Variants in PREX1 observed in about 807,000 individuals in gnomAD.
PREX1 encodes the protein phosphatidylinositol-3,4,5-trisphosphate dependent Rac exchange factor 1.
PREX1 carries 41 observed loss-of-function variants against 198.3 expected under a neutral mutation model. The observed-to-expected ratio is 0.21, with a 90% CI of 0.16 to 0.27. The LOEUF is 0.27. PREX1 is among the 10% of genes least tolerant of loss of function. PREX1 has a pLI of 1.00. For missense variants in PREX1, 1,620 were observed against 2,200.7 expected (o/e 0.74, Z 5.28); for synonymous variants, 843 against 887.2 (o/e 0.95, Z 0.89).
At chr20:48,861,750 C>T in the PREX1 span, among the ~76,000 whole-genome samples, 61 of 152,106 alleles carry the variant, frequency 4.0e-4, no homozygotes, top group Non-Finnish European at 7.9e-4. Flanking sequence ...GACCAGTTTC[C>T]CAAATAGGGG....
At chr20:48,830,058 A>G (rs6095320), upstream of PREX1, among the ~76,000 whole-genome samples, 38,316 of 152,038 alleles carry the variant, frequency 0.25, 5,620 homozygotes, top group Non-Finnish European at 0.33. Context: ...TCCCTCCCCA[A>G]TCTGAGAATC....
chr20:48,772,963 T>G (rs1293561427), intron 1 of PREX1, among the ~76,000 whole-genome samples: 1 of 152,148 alleles, frequency 6.6e-6, no homozygotes, highest in Non-Finnish European at 1.5e-5. Context: ...ACACAGTAGG[T>G]GCTCAAGAAA....
chr20:48,733,705 C>CTGTTGTTGCTGTTGT (rs2090044541), intron 4 of PREX1, among the ~76,000 whole-genome samples: 1 of 151,086 alleles, frequency 6.6e-6, no homozygotes, highest in Non-Finnish European at 1.5e-5. Context: ...GTTGTTGTTG[C>CTGTTGTTGCTGTTGT]TGTTGTTGTT....
the PREX1 span, among the ~76,000 whole-genome samples, chr20:48,883,392 T>C: frequency 6.6e-6 from 1 of 152,222 alleles, no homozygotes; most frequent in African/African-American, 2.4e-5. Flanking sequence ...GTACTGGACA[T>C]TCTAGCCAGG....
At chr20:48,795,200 C>T (rs1568866955) in intron 1 of PREX1, among the ~76,000 whole-genome samples, 1 of 152,082 alleles carries the variant, frequency 6.6e-6, no homozygotes, top group East Asian at 1.9e-4. Context: ...CAGAACTGTA[C>T]CTGGCAGAGC....
At chr20:48,752,238 C>T (rs114616711) in intron 1 of PREX1, among the ~76,000 whole-genome samples, 81 of 152,356 alleles carry the variant, frequency 5.3e-4, no homozygotes, top group African/African-American at 1.8e-3. Flanking sequence ...GGAGCTGGTG[C>T]TCCTCATTCC....
intron 5 of PREX1, among the ~76,000 whole-genome samples, chr20:48,722,114 C>T (rs1047315722): frequency 9.2e-5 from 14 of 152,108 alleles, no homozygotes; most frequent in Admixed American, 5.9e-4. Flanking sequence ...CAGGTGGAAA[C>T]GGAGTTTAAG....
intron 1 of PREX1, among the ~76,000 whole-genome samples, chr20:48,806,848 G>A (rs528848872): frequency 6.6e-6 from 1 of 152,334 alleles, no homozygotes; most frequent in Non-Finnish European, 1.5e-5. Flanking sequence ...GGCAGAAGGT[G>A]AAGAGGGCTC....
intron 1 of PREX1, among the ~76,000 whole-genome samples, chr20:48,775,964 A>C (rs1279001411): frequency 6.6e-6 from 1 of 152,182 alleles, no homozygotes; most frequent in Admixed American, 6.5e-5. Context: ...CCAGAGGTGC[A>C]GCTAAGGAGA....
intron 6 of PREX1, among the ~76,000 whole-genome samples, chr20:48,701,140 T>C (rs1401698799): frequency 6.6e-6 from 1 of 151,690 alleles, no homozygotes; most frequent in Non-Finnish European, 1.5e-5. Context: ...CAGGGAGGAG[T>C]GACTCACCCA....
At chr20:48,713,942 T>TATA (rs2089949655) in intron 5 of PREX1, among the ~76,000 whole-genome samples, 1 of 151,594 alleles carries the variant, frequency 6.6e-6, no homozygotes. Flanking sequence ...AATCCTTACA[T>TATA]TTATGGTCAG....
chr20:48,853,919 T>C, the PREX1 span, among the ~76,000 whole-genome samples: 11 of 152,128 alleles, frequency 7.2e-5, no homozygotes, highest in Non-Finnish European at 2.9e-5. Flanking sequence ...AAAGACTCAT[T>C]ATAATATGAA....
chr20:48,627,946 G>GAC lies in PREX1; in HGVS notation c.4782_4783dup (p.Ser1595CysfsTer224). On this transcript the variant is annotated frameshift_variant, in exon 38 of 40. Transcript: ENST00000371941. LOFTEE classifies it high-confidence loss of function. ...TGCCAAGATGGCCGCCTGCTCCAGG[G>GAC]ACACGCTCAGGGTGCTCCTGCAGCA... 2 of 1,587,596 alleles carry GAC rather than the reference G, an allele frequency of 1.3e-6. No individual in the cohort carries two copies. Among genetic ancestry groups the GAC allele is most frequent in the Non-Finnish European group, 1.7e-6 (2 of 1,164,748 alleles).
intron 20 of PREX1, 87 bp downstream of exon 20, chr20:48,653,274 G>C (rs1184846226): frequency 1.9e-6 from 3 of 1,541,886 alleles, no homozygotes; most frequent in Non-Finnish European, 1.8e-6. Context: ...GTACATGCAG[G>C]CTTTTCTCTA....
the PREX1 span, among the ~76,000 whole-genome samples, chr20:48,859,979 C>T: frequency 6.6e-6 from 1 of 152,180 alleles, no homozygotes; most frequent in Non-Finnish European, 1.5e-5. Flanking sequence ...GATTGCACCA[C>T]TGCACTCCAG....
chr20:48,637,685 C>G (rs1327205904), intron 31 of PREX1, 26 bp downstream of exon 31: 1 of 1,596,212 alleles, frequency 6.3e-7, no homozygotes, highest in Non-Finnish European at 8.5e-7. Flanking sequence ...GGGTATGTGC[C>G]CCCCACACAC....
chr20:48,822,490 T>C (rs2090490501), intron 1 of PREX1, among the ~76,000 whole-genome samples: 1 of 152,212 alleles, frequency 6.6e-6, no homozygotes, highest in South Asian at 2.1e-4. Context: ...CCTGCAACTT[T>C]TGAGTTAATG....
intron 5 of PREX1, among the ~76,000 whole-genome samples, chr20:48,713,570 AC>A (rs1419374871): frequency 6.6e-6 from 1 of 152,170 alleles, no homozygotes; most frequent in African/African-American, 2.4e-5. Context: ...CACCATCTTT[AC>A]CAAAAAATTT....
intron 7 of PREX1, among the ~76,000 whole-genome samples, chr20:48,693,211 C>T (rs2089828647): frequency 6.6e-6 from 1 of 152,258 alleles, no homozygotes. Context: ...TCCATCCATC[C>T]ATCCATCCAT....
Sources: allele counts gnomAD v4.1 joint callset (sites outside exome capture counted in the v4.1 genomes callset), GRCh38; gene constraint gnomAD v4.1.1; transcripts MANE v1.5; gene names NCBI Gene and HGNC (gene_info 2026-07-23, HGNC 2026-07-21).